LIN9: variants seen among roughly 807,000 people sequenced by gnomAD.
The protein encoded by LIN9 is lin-9 DREAM MuvB core complex component.
In LIN9, 18 loss-of-function variants were observed where a neutral mutation model predicts 78.0. That is an observed-to-expected ratio of 0.23 (90% confidence interval 0.16 to 0.34). The LOEUF (loss-of-function observed/expected upper bound fraction) is 0.34. LIN9 is among the 10% of genes least tolerant of loss of function. The probability of loss-of-function intolerance (pLI) is 1.00; values close to 1 mark genes in which losing one functional copy is unlikely to be tolerated. For synonymous variants in LIN9, 192 were observed against 215.2 expected (o/e 0.89, Z 0.94); for missense variants, 451 against 644.1 (o/e 0.70, Z 3.25).
At chr1:226,301,837 G>A (rs1662553730) in intron 1 of LIN9, among the ~76,000 whole-genome samples, 1 of 152,192 alleles carries the variant, frequency 6.6e-6, no homozygotes, top group African/African-American at 2.4e-5. Flanking sequence ...GAAGGCCAAG[G>A]TGGGAAGGCT....
intron 4 of LIN9, among the ~76,000 whole-genome samples, chr1:226,290,497 C>G (rs1055701668): frequency 1.3e-5 from 2 of 151,878 alleles, no homozygotes; most frequent in East Asian, 3.9e-4. Context: ...CCCGCCACCA[C>G]GCCCGGCTAA....
At chr1:226,245,786 C>A (rs1013609218) in intron 11 of LIN9, among the ~76,000 whole-genome samples, 1 of 151,964 alleles carries the variant, frequency 6.6e-6, no homozygotes, top group Non-Finnish European at 1.5e-5. Context: ...TTACTAGAAA[C>A]GGGGTTTGGC....
chr1:226,300,520 T>C (rs897917344), intron 2 of LIN9, among the ~76,000 whole-genome samples: 1 of 152,040 alleles, frequency 6.6e-6, no homozygotes, highest in Non-Finnish European at 1.5e-5. Flanking sequence ...CACCACACTC[T>C]AGCCTGTGTG....
intron 12 of LIN9, among the ~76,000 whole-genome samples, chr1:226,236,756 G>A (rs1160920778): frequency 6.6e-6 from 1 of 151,986 alleles, no homozygotes; most frequent in Non-Finnish European, 1.5e-5. Context: ...CGCACCCGGC[G>A]TGTCTGACTT....
At chr1:226,236,444 CTTTATTTA>C (rs200915308) in intron 12 of LIN9, among the ~76,000 whole-genome samples, 13 of 151,770 alleles carry the variant, frequency 8.6e-5, no homozygotes, top group Middle Eastern at 6.8e-3. Flanking sequence ...TTGTGTCTGA[CTTTATTTA>C]TTTATTTATT....
In LIN9 at chr1:226,234,096, T is replaced by C. The variant is rs1429114781; in HGVS notation, c.1246-573A>G. Among the ~76,000 whole-genome samples the C allele has an allele frequency of 3.9e-5, 6 of 152,356 alleles. No individual in the cohort carries two copies. In the East Asian group the frequency reaches 5.8e-4, roughly 15 times the overall value. Reference sequence around the variant, plus strand: ...ACGTGATGTTGACCTGTCCCATTACTGGTGATGTTCTCTTTGATCAATTGG... The same window carrying C: ...ACGTGATGTTGACCTGTCCCATTACCGGTGATGTTCTCTTTGATCAATTGG... On this transcript the variant is annotated intron_variant, in intron 12 of 14. Coordinates refer to ENST00000681046, the MANE Select transcript of LIN9 (RefSeq NM_001366245.2).
intron 11 of LIN9, among the ~76,000 whole-genome samples, chr1:226,241,588 G>A (rs1658113322): frequency 6.6e-6 from 1 of 152,214 alleles, no homozygotes; most frequent in Non-Finnish European, 1.5e-5. Context: ...GCCGGGTGCG[G>A]TGGCTCACGC....
At chr1:226,256,022 G>T (rs779389041) in intron 10 of LIN9, among the ~76,000 whole-genome samples, 2 of 151,802 alleles carry the variant, frequency 1.3e-5, no homozygotes, top group Non-Finnish European at 1.5e-5. Context: ...ATACCAAGCA[G>T]AAGAAACACC....
intron 4 of LIN9, among the ~76,000 whole-genome samples, chr1:226,291,756 TA>T (rs1576348708): frequency 6.6e-6 from 1 of 152,186 alleles, no homozygotes; most frequent in Non-Finnish European, 1.5e-5. Context: ...TTGTCAAAAC[TA>T]GTGCAATACT....
intron 2 of LIN9, among the ~76,000 whole-genome samples, chr1:226,298,982 G>A (rs1339899431): frequency 6.6e-6 from 1 of 152,020 alleles, no homozygotes; most frequent in African/African-American, 2.4e-5. Flanking sequence ...AAGCAGAAAA[G>A]AATTCTATCG....
chr1:226,275,986 C>T (rs1464398052), intron 7 of LIN9, among the ~76,000 whole-genome samples: 1 of 150,848 alleles, frequency 6.6e-6, no homozygotes, highest in African/African-American at 2.4e-5. Flanking sequence ...CGAGATCACA[C>T]CACTGCACTC....
At chr1:226,267,622 A>G (rs1385472044) in intron 8 of LIN9, among the ~76,000 whole-genome samples, 1 of 152,098 alleles carries the variant, frequency 6.6e-6, no homozygotes, top group East Asian at 1.9e-4. Flanking sequence ...TACTTTAAAA[A>G]CAATTTTGCA....
At chr1:226,289,101 T>G (rs986088799) in intron 4 of LIN9, among the ~76,000 whole-genome samples, 2 of 152,028 alleles carry the variant, frequency 1.3e-5, no homozygotes, top group Non-Finnish European at 2.9e-5. Flanking sequence ...CCGGGCGTGG[T>G]GGCTGTGCCT....
intron 7 of LIN9, among the ~76,000 whole-genome samples, chr1:226,271,384 T>C (rs895092496): frequency 1.3e-5 from 2 of 152,240 alleles, no homozygotes; most frequent in Non-Finnish European, 2.9e-5. Flanking sequence ...TACTACTCTT[T>C]GTTTACTAAA....
chr1:226,247,488 A>G (rs1658559212), intron 11 of LIN9, among the ~76,000 whole-genome samples: 1 of 151,966 alleles, frequency 6.6e-6, no homozygotes. Flanking sequence ...GGGTCTCTGG[A>G]CTCTAATTTT....
At chr1:226,258,468 CAA>C (rs200742420) in intron 10 of LIN9, among the ~76,000 whole-genome samples, 28 of 73,762 alleles carry the variant, frequency 3.8e-4, no homozygotes, top group Admixed American at 3.1e-4. Flanking sequence ...GACTTTGTCT[CAA>C]AAAAAAAAAA....
intron 7 of LIN9, among the ~76,000 whole-genome samples, chr1:226,272,495 G>A (rs754107184): frequency 1.4e-5 from 2 of 147,502 alleles, no homozygotes; most frequent in Admixed American, 6.8e-5. Flanking sequence ...TCGTCTCAGC[G>A]TCCTGAGTAG....
Position 226,286,315 on chromosome 1 carries a change from C to T in LIN9, c.524+18G>A, listed in dbSNP as rs746223139. 89 of 1,599,080 alleles carry T rather than the reference C, an allele frequency of 5.6e-5. No individual in the cohort carries two copies. Among genetic ancestry groups the T allele is most frequent in the Non-Finnish European group, 7.3e-5 (86 of 1,175,898 alleles). On this transcript the variant is annotated intron_variant, in intron 6 of 14. Transcript: ENST00000681046. ...GGCTTGATTTTATTTTAAACAAAAACAAAAACATTATTTTTACCTCCGTGG... is the reference window on the plus strand; with the variant it reads ...GGCTTGATTTTATTTTAAACAAAAATAAAAACATTATTTTTACCTCCGTGG...
chr1:226,251,020 A>G lies in LIN9; in HGVS notation c.1039-101T>C, dbSNP rs76049546. The G allele has an allele frequency of 9.0e-3, 5,552 of 616,248 alleles. 211 individuals carry two copies. The highest frequency in any genetic ancestry group is 0.063 in the South Asian group (3,317 of 52,882). The allele number at this position is 616,248 out of a possible 1,614,324, so 38.2% of individuals were successfully genotyped here. ...TTTTAGTAAGATACTTCAGCAATAG[A>G]TTTTAGTGTTTCAACATATATATAT... On this transcript the variant is annotated intron_variant, in intron 10 of 14. Coordinates refer to ENST00000681046, the MANE Select transcript of LIN9 (RefSeq NM_001366245.2).
Sources: allele counts gnomAD v4.1 joint callset (sites outside exome capture counted in the v4.1 genomes callset), GRCh38; gene constraint gnomAD v4.1.1; transcripts MANE v1.5; gene names NCBI Gene and HGNC (gene_info 2026-07-23, HGNC 2026-07-21).